Variants in PCSK1 observed in about 807,000 individuals in gnomAD.
PCSK1 encodes the protein neuroendocrine convertase 1.
PCSK1 carries 56 observed loss-of-function variants against 90.6 expected under a neutral mutation model. That is an observed-to-expected ratio of 0.62 (90% CI 0.50 to 0.77). PCSK1 has a LOEUF of 0.77. Ranked by LOEUF, PCSK1 falls within the 30% of genes least tolerant of loss-of-function variation. The pLI is 0.00. For missense variants in PCSK1, 801 were observed against 932.6 expected (o/e 0.86, Z 1.84); for synonymous variants, 348 against 342.4 (o/e 1.02, Z -0.18).
At chr5:96,415,063 A>G (rs1032499240) in intron 6 of PCSK1, among the ~76,000 whole-genome samples, 17 of 152,254 alleles carry the variant, frequency 1.1e-4, no homozygotes, top group South Asian at 2.1e-4. Context: ...TGAAAACCAA[A>G]CTAAACTTGA....
rs1031338002 is a variant in PCSK1, at chr5:96,392,135, A to G, written c.*866T>C. The stretch of plus-strand genomic sequence containing the variant: ...TAAGTGGTTTCCTGTTACTGCTGAA[A>G]AAAATTGTGACTAGGAATTTGCCAA... On this transcript the variant is annotated 3_prime_UTR_variant, in exon 14 of 14. Transcript: ENST00000311106. 1.3e-5 allele frequency: 2 copies of G among 152,134 alleles called. No individual in the cohort carries two copies. Among genetic ancestry groups the G allele is most frequent in the Non-Finnish European group, 1.5e-5 (1 of 68,024 alleles). 9.4% of individuals were successfully genotyped at this position (152,134 alleles called of 1,614,324 possible).
intron 10 of PCSK1, among the ~76,000 whole-genome samples, chr5:96,399,360 T>C (rs1296082909): frequency 6.6e-6 from 1 of 152,192 alleles, no homozygotes; most frequent in African/African-American, 2.4e-5. Context: ...AAGCCTCCCA[T>C]CCTTGGATAT....
intron 9 of PCSK1, among the ~76,000 whole-genome samples, chr5:96,406,073 A>C (rs1019195628): frequency 2.3e-4 from 35 of 152,176 alleles, no homozygotes; most frequent in African/African-American, 7.7e-4. Context: ...CACTGACCCC[A>C]ACAATTCATG....
At chr5:96,421,739 C>A in intron 5 of PCSK1, 141 bp downstream of exon 5, 1 of 679,108 alleles carries the variant, frequency 1.5e-6, no homozygotes, top group Admixed American at 2.3e-5. Flanking sequence ...GTTTTAAAAG[C>A]AACAAAATAT....
intron 2 of PCSK1, among the ~76,000 whole-genome samples, chr5:96,428,580 A>G (rs1377096651): frequency 6.6e-6 from 1 of 152,226 alleles, no homozygotes; most frequent in Non-Finnish European, 1.5e-5. Context: ...TAACCTAATC[A>G]TTGAACCAAG....
At chr5:96,425,793 C>A in intron 3 of PCSK1, 27 bp downstream of exon 3, 1 of 1,263,532 alleles carries the variant, frequency 7.9e-7, no homozygotes, top group Admixed American at 1.7e-5. Flanking sequence ...CAGGTCCCAC[C>A]CACATAGTCC....
chr5:96,415,133 T>C (rs1278170901), intron 6 of PCSK1, among the ~76,000 whole-genome samples: 1 of 152,214 alleles, frequency 6.6e-6, no homozygotes, highest in Non-Finnish European at 1.5e-5. Context: ...GAGACAGTTT[T>C]TTCTTTTCTC....
rs534597166 is a variant in PCSK1 at position 96,429,045 on chromosome 5, A to G, written c.285+168T>C. Among the ~76,000 whole-genome samples, 8 of 152,252 alleles carry G rather than the reference A, an allele frequency of 5.3e-5. No individual in the cohort carries two copies. In the East Asian group the frequency reaches 1.5e-3, roughly 29 times the overall value. On this transcript the variant is annotated intron_variant, in intron 2 of 13. Transcript: ENST00000311106. Reference sequence around the variant, plus strand: ...AATTCAACCCAATCTTGTTATTATTATGTGCCATTATAATTTTATGGAAAG... The same window carrying G: ...AATTCAACCCAATCTTGTTATTATTGTGTGCCATTATAATTTTATGGAAAG...
At position 96,399,946 on chromosome 5, in the gene PCSK1, T is replaced by C. The variant is rs750206339; in HGVS notation, c.1430+7A>G. The C allele has an allele frequency of 2.3e-5, 37 of 1,598,374 alleles. No homozygotes were observed. The highest frequency in any genetic ancestry group is 5.0e-5 in the Admixed American group (3 of 59,972). Reference sequence around the variant, plus strand: ...CACATGTGTTTAAAATTCCAGGAGATACTTACCTGGGCTCAAAGTCATTGT... The same window carrying C: ...CACATGTGTTTAAAATTCCAGGAGACACTTACCTGGGCTCAAAGTCATTGT... On this transcript the variant is annotated splice_region_variant and intron_variant, in intron 10 of 13. Coordinates refer to ENST00000311106, the MANE Select transcript of PCSK1 (RefSeq NM_000439.5).
intron 2 of PCSK1, among the ~76,000 whole-genome samples, chr5:96,426,461 C>T (rs1452412679): frequency 6.6e-6 from 1 of 152,132 alleles, no homozygotes; most frequent in African/African-American, 2.4e-5. Context: ...GTGCTTCGAC[C>T]TCTGCTTAAA....
At chr5:96,397,246 G>A (rs927326713) in intron 12 of PCSK1, 90 bp downstream of exon 12, 2 of 1,104,462 alleles carry the variant, frequency 1.8e-6, no homozygotes, top group South Asian at 1.3e-5. Context: ...AATTCTTTAG[G>A]GCCCTAATTA....
chr5:96,425,060 G>GAAAA (rs1436376720), intron 3 of PCSK1, among the ~76,000 whole-genome samples: 1 of 126,498 alleles, frequency 7.9e-6, no homozygotes, highest in Non-Finnish European at 1.7e-5. Context: ...AAGAAAGAAA[G>GAAAA]AAAGAAAGAA....
intron 2 of PCSK1, among the ~76,000 whole-genome samples, chr5:96,428,403 C>T (rs1294605079): frequency 6.6e-6 from 1 of 152,184 alleles, no homozygotes; most frequent in Non-Finnish European, 1.5e-5. Context: ...TCCAGTATGG[C>T]ATTTCTTTGA....
At chr5:96,413,746 G>A (rs1760846233) in intron 6 of PCSK1, among the ~76,000 whole-genome samples, 1 of 148,076 alleles carries the variant, frequency 6.8e-6, no homozygotes, top group Non-Finnish European at 1.5e-5. Flanking sequence ...GTTGCAGTGA[G>A]CTAAGATTGC....
chr5:96,426,003 A>G (rs1205266588), intron 2 of PCSK1, 73 bp from the exon 3 acceptor site: 2 of 830,384 alleles, frequency 2.4e-6, no homozygotes, highest in African/African-American at 1.7e-5. Flanking sequence ...AACTATCTCC[A>G]GTACCCTTCC....
At chr5:96,431,653 C>A (rs1030839599) in intron 1 of PCSK1, among the ~76,000 whole-genome samples, 12 of 152,222 alleles carry the variant, frequency 7.9e-5, no homozygotes, top group African/African-American at 2.4e-4. Context: ...ATTTTCCTTT[C>A]GGGCATTTCA....
At chr5:96,404,983 G>T (rs1464260079) in intron 9 of PCSK1, among the ~76,000 whole-genome samples, 2 of 152,144 alleles carry the variant, frequency 1.3e-5, no homozygotes, top group Non-Finnish European at 2.9e-5. Flanking sequence ...CTCCATAGTT[G>T]TTCCTGTGGG....
chr5:96,421,768 C>T (rs1216120351), intron 5 of PCSK1, 112 bp downstream of exon 5: 3 of 769,172 alleles, frequency 3.9e-6, no homozygotes, highest in African/African-American at 3.4e-5. Context: ...GGATGTTGTG[C>T]ATTAACATTT....
chr5:96,428,573 C>T (rs942280617), intron 2 of PCSK1, among the ~76,000 whole-genome samples: 13 of 152,114 alleles, frequency 8.5e-5, no homozygotes, highest in African/African-American at 3.1e-4. Flanking sequence ...TCTGCTGTAA[C>T]CTAATCATTG....
Sources: allele counts gnomAD v4.1 joint callset (sites outside exome capture counted in the v4.1 genomes callset), GRCh38; gene constraint gnomAD v4.1.1; transcripts MANE v1.5; gene names NCBI Gene and HGNC (gene_info 2026-07-23, HGNC 2026-07-21).